ATG10: variants seen among roughly 807,000 people sequenced by gnomAD.
The protein encoded by ATG10 is ubiquitin-like-conjugating enzyme ATG10.
A neutral mutation model predicts 32.1 loss-of-function variants in ATG10; 30 were observed. The observed-to-expected ratio is 0.94, with a 90% CI of 0.70 to 1.27. The LOEUF (loss-of-function observed/expected upper bound fraction) is 1.27. Among genes scored for constraint, ATG10 ranks in the 50% most tolerant of loss-of-function variants. ATG10 has a pLI of 0.00. For missense variants in ATG10, 233 were observed against 262.3 expected, an observed-to-expected ratio of 0.89 and a Z score of 0.77; for synonymous variants, 87 against 91.5, an observed-to-expected ratio of 0.95 and a Z score of 0.28.
At chr5:81,973,385 C>A (rs71636292) in intron 1 of ATG10, 1 of 152,326 alleles carries the variant, frequency 6.6e-6, no homozygotes, top group East Asian at 1.9e-4. Context: ...GCCTCGGCCT[C>A]CCAAAGTACT....
At chr5:82,007,089 T>C (rs1480233115) in intron 2 of ATG10, among the ~76,000 whole-genome samples, 1 of 152,176 alleles carries the variant, frequency 6.6e-6, no homozygotes, top group Non-Finnish European at 1.5e-5. Flanking sequence ...CTTGACCTCG[T>C]GATCTGCCCA....
chr5:82,152,981 G>T (rs1767664479), intron 3 of ATG10, among the ~76,000 whole-genome samples: 1 of 152,138 alleles, frequency 6.6e-6, no homozygotes, highest in Admixed American at 6.5e-5. Context: ...AGTTCAGGAT[G>T]CTTGGAATAC....
intron 3 of ATG10, among the ~76,000 whole-genome samples, chr5:82,104,546 C>T (rs1362152287): frequency 2.6e-5 from 4 of 151,886 alleles, no homozygotes; most frequent in Admixed American, 6.6e-5. Flanking sequence ...ATTTAACATC[C>T]GATTTTATAG....
chr5:82,166,619 C>A (rs916876201), intron 4 of ATG10, among the ~76,000 whole-genome samples: 2 of 152,000 alleles, frequency 1.3e-5, no homozygotes, highest in East Asian at 1.9e-4. Context: ...ATTCCCCCCC[C>A]AGTCTTTTTT....
chr5:81,978,174 A>G (rs896405130), intron 1 of ATG10, among the ~76,000 whole-genome samples: 1 of 151,992 alleles, frequency 6.6e-6, no homozygotes, highest in African/African-American at 2.4e-5. Context: ...GGTTCATGCA[A>G]TTCTCCTGCC....
intron 1 of ATG10, among the ~76,000 whole-genome samples, chr5:81,983,166 G>C (rs1024346308): frequency 6.6e-5 from 10 of 151,154 alleles, no homozygotes; most frequent in Non-Finnish European, 1.5e-4. Flanking sequence ...GGACGGGGCG[G>C]CTGGCCGGGC....
chr5:82,051,888 T>A (rs1763439986), intron 2 of ATG10, among the ~76,000 whole-genome samples: 1 of 152,182 alleles, frequency 6.6e-6, no homozygotes, highest in Non-Finnish European at 1.5e-5. Context: ...AGCAGTAGTT[T>A]CTAGTTTCTT....
chr5:82,047,721 A>G (rs1449308016), intron 2 of ATG10, among the ~76,000 whole-genome samples: 1 of 152,132 alleles, frequency 6.6e-6, no homozygotes, highest in East Asian at 1.9e-4. Context: ...TATACTACTC[A>G]TAGGAAGTCA....
chr5:82,171,540 C>T (rs911068137), intron 4 of ATG10, among the ~76,000 whole-genome samples: 17 of 152,116 alleles, frequency 1.1e-4, no homozygotes, highest in Non-Finnish European at 2.2e-4. Flanking sequence ...GGTAGAATGA[C>T]AAGGCAAGGG....
chr5:82,009,086 A>C (rs947942206), intron 2 of ATG10, among the ~76,000 whole-genome samples: 2 of 152,296 alleles, frequency 1.3e-5, no homozygotes, highest in East Asian at 3.9e-4. Context: ...GCATTAGTAC[A>C]TCTTGCTCCA....
chr5:82,132,793 T>G (rs1281656683), intron 3 of ATG10, among the ~76,000 whole-genome samples: 2 of 152,128 alleles, frequency 1.3e-5, no homozygotes, highest in Non-Finnish European at 2.9e-5. Context: ...TTCCTAGTTC[T>G]AGATCCTTGA....
At chr5:82,219,870 C>T (rs929839300) in intron 5 of ATG10, among the ~76,000 whole-genome samples, 5 of 152,148 alleles carry the variant, frequency 3.3e-5, no homozygotes, top group Non-Finnish European at 5.9e-5. Flanking sequence ...TAAAGGAGCA[C>T]CTATTATGAG....
At chr5:82,175,826 CTAAGA>C (rs1468803777) in intron 4 of ATG10, among the ~76,000 whole-genome samples, 1 of 151,724 alleles carries the variant, frequency 6.6e-6, no homozygotes, top group Non-Finnish European at 1.5e-5. Context: ...GTATCACCTC[CTAAGA>C]TAATATACAG....
intron 5 of ATG10, among the ~76,000 whole-genome samples, chr5:82,243,564 T>G (rs867090375): frequency 6.6e-6 from 1 of 152,126 alleles, no homozygotes; most frequent in South Asian, 2.1e-4. Context: ...GAAAGCATAT[T>G]AGTGATAAAC....
chr5:82,194,977 G>T (rs186886560), intron 5 of ATG10, among the ~76,000 whole-genome samples: 1 of 152,324 alleles, frequency 6.6e-6, no homozygotes, highest in African/African-American at 2.4e-5. Flanking sequence ...AACTGCACAT[G>T]TACCAAAGTG....
In ATG10 at chr5:82,083,335, G is replaced by C. The variant is rs1221544049; in HGVS notation, c.216+24733G>C. The stretch of plus-strand genomic sequence containing the variant: ...CGTAGGTAAACAAAGTGGCCGGGAA[G>C]CTCGAACTGGGTGGAGCCCACTGCA... On this transcript the variant is annotated intron_variant, in intron 3 of 7. Transcript: ENST00000282185. Among the ~76,000 whole-genome samples, 8 of 152,206 alleles carry C rather than the reference G, an allele frequency of 5.3e-5. No individual in the cohort carries two copies. In the East Asian group the frequency reaches 1.5e-3, roughly 29 times the overall value.
intron 3 of ATG10, among the ~76,000 whole-genome samples, chr5:82,132,707 A>G (rs1245606295): frequency 6.6e-6 from 1 of 152,068 alleles, no homozygotes; most frequent in Non-Finnish European, 1.5e-5. Flanking sequence ...AAGTGCTGCA[A>G]TAAACATACG....
chr5:82,216,978 C>A (rs916899711), intron 5 of ATG10, among the ~76,000 whole-genome samples: 4 of 151,860 alleles, frequency 2.6e-5, no homozygotes, highest in African/African-American at 9.7e-5. Flanking sequence ...TCACTTGAAC[C>A]CGGGAGGTGG....
chr5:82,142,028 C>T (rs1767172727), intron 3 of ATG10, among the ~76,000 whole-genome samples: 1 of 152,174 alleles, frequency 6.6e-6, no homozygotes, highest in Admixed American at 6.5e-5. Flanking sequence ...AAATAATTCT[C>T]CTTCTACCAG....
Sources: gnomAD v4.1 joint callset for allele counts (sites outside exome capture counted in the v4.1 genomes callset) on GRCh38, gnomAD v4.1.1 for gene constraint, MANE v1.5 for transcripts, NCBI Gene and HGNC (gene_info 2026-07-23, HGNC 2026-07-21) for gene names.